Variants in LRP1B observed in about 807,000 individuals in gnomAD.
The protein encoded by LRP1B is low-density lipoprotein receptor-related protein 1B.
In LRP1B, 217 loss-of-function variants were observed where a neutral mutation model predicts 556.6. The observed-to-expected ratio is 0.39, with a 90% CI of 0.35 to 0.44. The LOEUF is 0.44. Ranked by LOEUF, LRP1B falls within the 20% of genes least tolerant of loss-of-function variation. LRP1B has a pLI of 1.00. For missense variants in LRP1B, 5,053 were observed against 5,620.8 expected, an observed-to-expected ratio of 0.90 and a Z score of 3.23; for synonymous variants, 2,047 against 1,865.8, an observed-to-expected ratio of 1.10 and a Z score of -2.50.
chr2:141,630,191 T>C (rs926356868), intron 2 of LRP1B, among the ~76,000 whole-genome samples: 1 of 152,002 alleles, frequency 6.6e-6, no homozygotes, highest in African/African-American at 2.4e-5. Flanking sequence ...TCTCAAACCA[T>C]CACACACAGG....
chr2:141,837,171 T>G (rs972306807), intron 1 of LRP1B, among the ~76,000 whole-genome samples: 1 of 151,898 alleles, frequency 6.6e-6, no homozygotes, highest in Non-Finnish European at 1.5e-5. Context: ...CATAAGGATA[T>G]AGACTATCAG....
chr2:141,293,457 T>C (rs759848244), intron 3 of LRP1B, among the ~76,000 whole-genome samples: 1 of 152,216 alleles, frequency 6.6e-6, no homozygotes, highest in Non-Finnish European at 1.5e-5. Context: ...GAAGAGCTGC[T>C]ATAAGAATCA....
intron 83 of LRP1B, among the ~76,000 whole-genome samples, chr2:140,307,421 C>T (rs115794547): frequency 0.02 from 3,099 of 151,876 alleles, 39 homozygotes; most frequent in African/African-American, 0.028. Context: ...GGCTATTAAA[C>T]TTGACTGAGT....
chr2:140,378,478 A>T (rs902234008), intron 67 of LRP1B, among the ~76,000 whole-genome samples, 192 bp from the exon 68 acceptor site: 4 of 152,206 alleles, frequency 2.6e-5, no homozygotes, highest in African/African-American at 9.6e-5. Flanking sequence ...ATTTATTTTT[A>T]AAGTCATAAG....
intron 3 of LRP1B, among the ~76,000 whole-genome samples, chr2:141,410,631 A>G (rs1359075891): frequency 6.6e-6 from 1 of 152,086 alleles, no homozygotes; most frequent in Admixed American, 6.5e-5. Flanking sequence ...CATAATCATT[A>G]TATGTATCTT....
rs866114447 is a variant in LRP1B at position 140,969,478 on chromosome 2, A to G, written c.2887+12682T>C. ...CACACTGATGGGTCTTGACTCTTTA[A>G]ATTTGCCAGTCTGTGTCTTTAATTG... On this transcript the variant is annotated intron_variant, in intron 18 of 90. Coordinates refer to ENST00000389484, the MANE Select transcript of LRP1B (RefSeq NM_018557.3). Among the ~76,000 whole-genome samples the G allele has an allele frequency of 4.0e-3, 20 of 4,986 alleles. No homozygotes were observed. In the South Asian group the frequency reaches 0.093, roughly 23 times the overall value. The allele number at this position is 4,986 out of a possible 152,430, so 3.3% of individuals were successfully genotyped here.
intron 3 of LRP1B, among the ~76,000 whole-genome samples, chr2:141,269,388 G>A (rs1043851700): frequency 6.6e-6 from 1 of 152,096 alleles, no homozygotes; most frequent in South Asian, 2.1e-4. Context: ...ATGCAAAAAA[G>A]CATTTTTTTA....
At chr2:141,186,098 A>AAAG (rs908718361) in intron 7 of LRP1B, among the ~76,000 whole-genome samples, 1 of 151,142 alleles carries the variant, frequency 6.6e-6, no homozygotes, top group Non-Finnish European at 1.5e-5. Context: ...AAAAAAAAAA[A>AAAG]ACCAGTATGC....
intron 83 of LRP1B, among the ~76,000 whole-genome samples, chr2:140,308,484 C>A (rs1311757991): frequency 6.6e-6 from 1 of 151,718 alleles, no homozygotes; most frequent in Non-Finnish European, 1.5e-5. Flanking sequence ...CATTATTAGT[C>A]TGCTCTCTTT....
At chr2:141,063,613 C>G (rs181741696) in intron 7 of LRP1B, among the ~76,000 whole-genome samples, 3 of 151,748 alleles carry the variant, frequency 2.0e-5, no homozygotes, top group Non-Finnish European at 4.4e-5. Flanking sequence ...TTGGTATGCA[C>G]GCGTTCCCTC....
intron 2 of LRP1B, among the ~76,000 whole-genome samples, chr2:141,602,384 T>C (rs944876121): frequency 6.6e-6 from 1 of 152,176 alleles, no homozygotes; most frequent in African/African-American, 2.4e-5. Context: ...AATCCACATA[T>C]AGTTAATTAG....
chr2:141,008,993 G>A (rs1697659935), intron 14 of LRP1B, among the ~76,000 whole-genome samples: 2 of 151,984 alleles, frequency 1.3e-5, no homozygotes, highest in South Asian at 4.1e-4. Flanking sequence ...TTGAGCAAAT[G>A]AGAGAATACA....
intron 22 of LRP1B, among the ~76,000 whole-genome samples, chr2:140,903,475 A>G (rs1393341447): frequency 1.3e-5 from 2 of 152,072 alleles, no homozygotes; most frequent in Non-Finnish European, 2.9e-5. Flanking sequence ...TTATGACTGG[A>G]AAGATTATGC....
chr2:142,059,561 C>T (rs186048218), intron 1 of LRP1B, among the ~76,000 whole-genome samples: 239 of 151,848 alleles, frequency 1.6e-3, no homozygotes, highest in South Asian at 2.5e-3. Context: ...ATATAGTAGG[C>T]GATCTTTTAA....
At chr2:141,290,293 A>G (rs1685892527) in intron 3 of LRP1B, among the ~76,000 whole-genome samples, 2 of 152,176 alleles carry the variant, frequency 1.3e-5, no homozygotes, top group Admixed American at 6.5e-5. Context: ...AAGATTCAAT[A>G]TCGCCCACTA....
intron 2 of LRP1B, among the ~76,000 whole-genome samples, chr2:141,499,751 A>T (rs1298820561): frequency 6.6e-6 from 1 of 152,168 alleles, no homozygotes; most frequent in African/African-American, 2.4e-5. Flanking sequence ...TTAACAAAGA[A>T]TAATGTAAAG....
chr2:141,684,997 G>T (rs1224446942), intron 2 of LRP1B, among the ~76,000 whole-genome samples: 1 of 152,098 alleles, frequency 6.6e-6, no homozygotes, highest in East Asian at 1.9e-4. Context: ...GTAGGCGAGA[G>T]CCACGCAGGA....
At chr2:142,020,049 T>G (rs1443933455) in intron 1 of LRP1B, among the ~76,000 whole-genome samples, 2 of 152,208 alleles carry the variant, frequency 1.3e-5, no homozygotes, top group Non-Finnish European at 2.9e-5. Context: ...TCTCATCACA[T>G]TAGAATGTAA....
At chr2:140,384,162 A>G (rs1041201449) in intron 67 of LRP1B, among the ~76,000 whole-genome samples, 2 of 152,194 alleles carry the variant, frequency 1.3e-5, no homozygotes, top group Non-Finnish European at 2.9e-5. Flanking sequence ...ACATGTCTAC[A>G]GAGTTGGCCT....
Sources: gnomAD v4.1 joint callset for allele counts (sites outside exome capture counted in the v4.1 genomes callset) on GRCh38, gnomAD v4.1.1 for gene constraint, MANE v1.5 for transcripts, NCBI Gene and HGNC (gene_info 2026-07-23, HGNC 2026-07-21) for gene names.